The following ABCG5 variants were observed in gnomAD, a reference collection of about 807,000 sequenced individuals.
ABCG5 encodes the protein ATP binding cassette subfamily G member 5, also known as ATP-binding cassette sub-family G member 5.
ABCG5 carries 64 observed loss-of-function variants against 64.5 expected under a neutral mutation model. That is an observed-to-expected ratio of 0.99 (90% CI 0.81 to 1.22). The LOEUF is 1.22. Among genes scored for constraint, ABCG5 ranks in the 50% most tolerant of loss-of-function variants. The probability of loss-of-function intolerance (pLI) is 0.00; values close to 1 mark genes in which losing one functional copy is unlikely to be tolerated. For missense variants in ABCG5, 908 were observed against 829.5 expected (o/e 1.09, Z -1.16); for synonymous variants, 385 against 326.3 (o/e 1.18, Z -1.94).
At chr2:43,807,688 G>C (rs902615757), downstream of ABCG5, among the ~76,000 whole-genome samples, 62 of 142,546 alleles carry the variant, frequency 4.3e-4, 1 homozygote, top group African/African-American at 1.4e-3. Flanking sequence ...CAAAGTGCTG[G>C]GATTACAGGC....
At chr2:43,809,239 G>T (rs1432101936), downstream of ABCG5, among the ~76,000 whole-genome samples, 1 of 152,064 alleles carries the variant, frequency 6.6e-6, no homozygotes, top group East Asian at 1.9e-4. Context: ...CAATTCTCCT[G>T]CCCCAGCCTC....
intron 2 of ABCG5, among the ~76,000 whole-genome samples, chr2:43,832,935 G>C (rs962183509): frequency 6.6e-6 from 1 of 152,210 alleles, no homozygotes; most frequent in Non-Finnish European, 1.5e-5. Context: ...TCAGCCTCCT[G>C]AGTAGCTGGG....
intron 11 of ABCG5, among the ~76,000 whole-genome samples, chr2:43,818,729 C>A (rs905588790): frequency 5.3e-5 from 8 of 152,094 alleles, no homozygotes; most frequent in African/African-American, 1.4e-4. Context: ...GAAAAAATAT[C>A]CTCCTTGATT....
chr2:43,821,891 C>A (rs4073349), intron 10 of ABCG5, among the ~76,000 whole-genome samples: 37 of 152,192 alleles, frequency 2.4e-4, no homozygotes, highest in African/African-American at 8.7e-4. Flanking sequence ...TCTCTTCCCG[C>A]ACCCCATCTT....
rs1331417159 is a variant in ABCG5, at chr2:43,813,176, T to G, written c.1896A>C (p.Pro632=). 6.6e-7 allele frequency: 1 copy of G among 1,524,520 alleles called. No individual in the cohort carries two copies. The highest frequency in any genetic ancestry group is 9.1e-7 in the Non-Finnish European group (1 of 1,098,684). 94.4% of individuals were successfully genotyped at this position (1,524,520 alleles called of 1,614,324 possible). Reference sequence around the variant, plus strand: ...CAACTATTCCTAGGATGACAAGAGCTGGAATAAATGAATACAAAATCAGAA... The same window carrying G: ...CAACTATTCCTAGGATGACAAGAGCGGGAATAAATGAATACAAAATCAGAA... The part of the protein sequence containing the change: ...MNFLILYSFI[P]ALVILGIVVF... The change falls in exon 13 of 13, where the codon CCA becomes CCC. Residue 632 remains proline, a synonymous_variant. Coordinates refer to ENST00000405322, the MANE Select transcript of ABCG5 (RefSeq NM_022436.3).
Position 43,820,016 on chromosome 2 carries a change from T to G in ABCG5, c.1548A>C (p.Leu516=). 6.2e-7 allele frequency: 1 copy of G among 1,614,176 alleles called. No individual in the cohort carries two copies. Among genetic ancestry groups the G allele is most frequent in the South Asian group, 1.1e-5 (1 of 91,088 alleles). ...LLAPHLIGEF[L]TLVLLGIVQN... ...GGACGATACCAAGTAGCACAAGAGT[T>G]AGAAATTCACCAATTAAGTGGGGGG... is the stretch of plus-strand genomic sequence containing the variant. Residue 516 remains leucine (L), a synonymous_variant, in exon 11 of 13, where the codon CTA becomes CTC. Coordinates refer to ENST00000405322, the MANE Select transcript of ABCG5 (RefSeq NM_022436.3).
chr2:43,822,639 T>C (rs1220594003), intron 10 of ABCG5, 158 bp downstream of exon 10: 1 of 982,790 alleles, frequency 1.0e-6, no homozygotes, highest in East Asian at 1.1e-4. Context: ...ACAATAAAAT[T>C]AATGTCCTGG....
In ABCG5 at chr2:43,816,467, CAGAA is replaced by C. The variant is rs1224074233; in HGVS notation, c.1650-1882_1650-1879del. ...GAAATGGATCAGTGAAAGGCACAGACAGAAGGAGAAGCAGCGGGAGGAACCATAG... is the reference window on the plus strand; with the variant it reads ...GAAATGGATCAGTGAAAGGCACAGACGGAGAAGCAGCGGGAGGAACCATAG... On this transcript the variant is annotated intron_variant, in intron 11 of 12. Transcript: ENST00000405322. Among the ~76,000 whole-genome samples, 11 of 152,302 alleles carry C rather than the reference CAGAA, an allele frequency of 7.2e-5. No individual in the cohort carries two copies. The South Asian group carries it at 1.7e-3, about 23-fold the overall frequency.
chr2:43,821,926 C>T (rs1667234538), intron 10 of ABCG5, among the ~76,000 whole-genome samples: 1 of 152,070 alleles, frequency 6.6e-6, no homozygotes, highest in African/African-American at 2.4e-5. Flanking sequence ...TAGCTGCTTG[C>T]ATCCTTGATC....
At chr2:43,826,223 C>T (rs1376801370) in intron 6 of ABCG5, among the ~76,000 whole-genome samples, 159 bp downstream of exon 6, 2 of 150,666 alleles carry the variant, frequency 1.3e-5, no homozygotes, top group Non-Finnish European at 3.0e-5. Context: ...TGGACTCAAA[C>T]TCCTGGCCTC....
intron 12 of ABCG5, 97 bp downstream of exon 12, chr2:43,814,380 T>C (rs2104750512): frequency 1.2e-6 from 1 of 801,310 alleles, no homozygotes; most frequent in African/African-American, 1.7e-5. Context: ...ATTGAATTAT[T>C]ATAAAACACA....
chr2:43,836,311 G>A (rs1208619613), intron 2 of ABCG5, among the ~76,000 whole-genome samples: 5 of 152,058 alleles, frequency 3.3e-5, no homozygotes, highest in Non-Finnish European at 5.9e-5. Flanking sequence ...GAATAGCCAT[G>A]GATTCAATTC....
At chr2:43,826,638 G>T in intron 5 of ABCG5, 117 bp from the exon 6 acceptor site, 1 of 1,491,540 alleles carries the variant, frequency 6.7e-7, no homozygotes, top group Non-Finnish European at 9.2e-7. Flanking sequence ...ACAGTGTGCG[G>T]TGGGAAGTAA....
chr2:43,828,417 C>T, intron 4 of ABCG5: 1 of 415,144 alleles, frequency 2.4e-6, no homozygotes, highest in Non-Finnish European at 4.5e-6. Context: ...GGGAGAATTG[C>T]TTGAGGCCAG....
In ABCG5 at chr2:43,826,470, T is replaced by G. The variant is rs1055275055; in HGVS notation, c.686A>C (p.Asn229Thr). 8.7e-6 allele frequency: 14 copies of G among 1,614,142 alleles called. No individual in the cohort carries two copies. The highest frequency in any genetic ancestry group is 1.2e-5 in the Non-Finnish European group (14 of 1,180,018). The change falls in exon 6 of 13, where the codon AAT becomes ACT. Residue 229 changes from asparagine (N) to threonine (T), a missense_variant. By Grantham distance (65) the Asn-to-Thr change is moderately conservative. Coordinates refer to ENST00000405322, the MANE Select transcript of ABCG5 (RefSeq NM_022436.3). ...TTCCACCAGGAGGACGACAATCTGA[T>G]TAGCAGTCATGCAGTCCAGGCCTGT... ...PTTGLDCMTA[N>T]QIVVLLVELA...
chr2:43,826,629 C>T lies in ABCG5; in HGVS notation c.635-108G>A. ...TTATTGAGTTTGTACCCCATTCAAA[C>T]AGTGTGCGGTGGGAAGTAAACATGT... On this transcript the variant is annotated intron_variant, in intron 5 of 12. Transcript: ENST00000405322. 3 of 1,532,398 alleles carry T rather than the reference C, an allele frequency of 2.0e-6. 1 individual carries two copies. The highest frequency in any genetic ancestry group is 2.3e-5 in the East Asian group (1 of 44,400). The allele number at this position is 1,532,398 out of a possible 1,614,324, so 94.9% of individuals were successfully genotyped here.
intron 12 of ABCG5, among the ~76,000 whole-genome samples, chr2:43,814,051 T>C (rs74352461): frequency 0.022 from 3,283 of 152,232 alleles, 82 homozygotes; most frequent in African/African-American, 0.062. Flanking sequence ...GGTCCTTGTC[T>C]TGGTTCTACT....
rs397781046 is a variant in ABCG5, at chr2:43,822,477, G to GCC, written c.1463+319_1463+320insGG. The GCC allele has an allele frequency of 0.077, 26,504 of 345,850 alleles. 1,698 individuals carry two copies. Among genetic ancestry groups the GCC allele is most frequent in the African/African-American group, 0.13 (3,794 of 29,744 alleles). The allele number at this position is 345,850 out of a possible 1,614,324, so 21.4% of individuals were successfully genotyped here. A position where few individuals can be genotyped will look rare whatever the true frequency, so the allele number is the denominator to read the frequency against. On this transcript the variant is annotated intron_variant, in intron 10 of 12. Transcript: ENST00000405322. Reference sequence around the variant, plus strand: ...TCAGGCTGCTTTCTCCCCTCCCCCAGGCCCCCCCCCATGCACCTGGGTCCT... The same window carrying GCC: ...TCAGGCTGCTTTCTCCCCTCCCCCAGCCGCCCCCCCCCATGCACCTGGGTCCT...
rs1451819450 is a variant in ABCG5 at position 43,838,519 on chromosome 2, G to A, written c.143+18C>T. On this transcript the variant is annotated intron_variant, in intron 1 of 12. Coordinates refer to ENST00000405322, the MANE Select transcript of ABCG5 (RefSeq NM_022436.3). This position sits in a 1 kb window ranked among gnomAD's most constrained non-coding sequence, Gnocchi z 4.2. Reference sequence around the variant, plus strand: ...CCGCACTCCTGGGGGAGCAGCAGCAGCAAGGGCTCTGCCTTACCTGACGCT... The same window carrying A: ...CCGCACTCCTGGGGGAGCAGCAGCAACAAGGGCTCTGCCTTACCTGACGCT... 1.3e-6 allele frequency: 2 copies of A among 1,589,040 alleles called. No homozygotes were observed. The highest frequency in any genetic ancestry group is 2.7e-5 in the African/African-American group (2 of 74,404).
Sources: allele counts gnomAD v4.1 joint callset (sites outside exome capture counted in the v4.1 genomes callset), GRCh38; gene constraint gnomAD v4.1.1; non-coding constraint Gnocchi (gnomAD v3.1); transcripts MANE v1.5; gene names NCBI Gene and HGNC (gene_info 2026-07-23, HGNC 2026-07-21).